SLC23A2: variants seen among roughly 807,000 people sequenced by gnomAD.
SLC23A2 encodes solute carrier family 23 member 2.
Under a neutral mutation model 73.3 loss-of-function variants are expected in SLC23A2, and 36 were observed. That is an observed-to-expected ratio of 0.49 (90% confidence interval 0.38 to 0.65). SLC23A2 has a LOEUF of 0.65. SLC23A2 is among the 30% of genes least tolerant of loss of function. SLC23A2 has a pLI of 0.00. For synonymous variants in SLC23A2, 343 were observed against 327.3 expected, an observed-to-expected ratio of 1.05 and a Z score of -0.52; for missense variants, 507 against 841.6, an observed-to-expected ratio of 0.60 and a Z score of 4.92.
intron 4 of SLC23A2, among the ~76,000 whole-genome samples, chr20:4,910,691 C>A (rs1932110616): frequency 6.6e-6 from 1 of 152,178 alleles, no homozygotes; most frequent in African/African-American, 2.4e-5. Context: ...CCATCTCGGC[C>A]TCCCAAAGTG....
At chr20:4,871,962 C>G (rs1930464615) in intron 11 of SLC23A2, among the ~76,000 whole-genome samples, 1 of 152,014 alleles carries the variant, frequency 6.6e-6, no homozygotes, top group Non-Finnish European at 1.5e-5. Context: ...TTATTTTGAT[C>G]CTTTTTCCTT....
At chr20:4,949,456 G>A (rs1016691563) in intron 2 of SLC23A2, among the ~76,000 whole-genome samples, 1 of 152,148 alleles carries the variant, frequency 6.6e-6, no homozygotes, top group Non-Finnish European at 1.5e-5. Context: ...ACTCGCTGCA[G>A]ATGAAGTTTT....
chr20:4,885,513 A>AT (rs1201069970), intron 7 of SLC23A2, among the ~76,000 whole-genome samples: 1 of 152,234 alleles, frequency 6.6e-6, no homozygotes, highest in Non-Finnish European at 1.5e-5. Flanking sequence ...AAATCCACTG[A>AT]AAGAGAGAGG....
At position 4,892,546 on chromosome 20, in the gene SLC23A2, A is replaced by G. The variant is rs574249291; in HGVS notation, c.483-6637T>C. Among the ~76,000 whole-genome samples, 19 of 152,254 alleles carry G rather than the reference A, an allele frequency of 1.2e-4. No individual in the cohort carries two copies. In the South Asian group the frequency reaches 1.5e-3, roughly 12 times the overall value. On this transcript the variant is annotated intron_variant, in intron 6 of 16. Coordinates refer to ENST00000338244, the MANE Select transcript of SLC23A2 (RefSeq NM_005116.6). The stretch of plus-strand genomic sequence containing the variant: ...TTTTTAGTTAAGTGGATGGTAACAA[A>G]TTTTTTTATTTGGGCACAAAACCCT...
intron 2 of SLC23A2, among the ~76,000 whole-genome samples, chr20:4,959,075 T>C (rs1230447937): frequency 6.6e-6 from 1 of 151,438 alleles, no homozygotes; most frequent in African/African-American, 2.4e-5. Context: ...AAAAATTAGC[T>C]GGGCATGGTA....
At chr20:4,889,142 G>C (rs1017235057) in intron 6 of SLC23A2, among the ~76,000 whole-genome samples, 4 of 152,166 alleles carry the variant, frequency 2.6e-5, no homozygotes, top group Admixed American at 2.6e-4. Flanking sequence ...CACATATAAG[G>C]GGCCGTGATG....
At chr20:4,944,820 CTCT>C (rs1313841703) in intron 2 of SLC23A2, among the ~76,000 whole-genome samples, 2 of 152,150 alleles carry the variant, frequency 1.3e-5, no homozygotes, top group African/African-American at 4.8e-5. Flanking sequence ...CAATCCATGG[CTCT>C]TTGCTTAAAT....
intron 3 of SLC23A2, among the ~76,000 whole-genome samples, chr20:4,931,599 G>A (rs1932791503): frequency 6.6e-6 from 1 of 151,936 alleles, no homozygotes; most frequent in Non-Finnish European, 1.5e-5. Flanking sequence ...TCTACAAAAA[G>A]TAGAAAAAAT....
intron 4 of SLC23A2, among the ~76,000 whole-genome samples, chr20:4,906,429 T>C (rs1931958306): frequency 6.6e-6 from 1 of 152,068 alleles, no homozygotes; most frequent in Non-Finnish European, 1.5e-5. Context: ...CTGGCCAACA[T>C]GGTGAAACCC....
intron 2 of SLC23A2, among the ~76,000 whole-genome samples, chr20:4,968,814 G>A (rs1356107878): frequency 2.0e-5 from 3 of 151,672 alleles, no homozygotes; most frequent in Non-Finnish European, 4.4e-5. Flanking sequence ...AGCCTCCTGA[G>A]GTCATGCAAT....
chr20:4,954,590 C>T (rs1045152053), intron 2 of SLC23A2, among the ~76,000 whole-genome samples: 27 of 149,114 alleles, frequency 1.8e-4, no homozygotes, highest in Admixed American at 1.8e-3. Context: ...CCCAGCTACT[C>T]GGTAAGCTGA....
At chr20:4,906,536 C>T (rs1226517036) in intron 4 of SLC23A2, among the ~76,000 whole-genome samples, 1 of 152,128 alleles carries the variant, frequency 6.6e-6, no homozygotes, top group Non-Finnish European at 1.5e-5. Context: ...AGGAGAATCG[C>T]TTCAACCCAG....
At chr20:5,009,559 T>G (rs1267629083) in intron 1 of SLC23A2, among the ~76,000 whole-genome samples, 1 of 152,236 alleles carries the variant, frequency 6.6e-6, no homozygotes, top group Non-Finnish European at 1.5e-5. Flanking sequence ...TAATTCTGTA[T>G]GCCAGCTCCT....
At chr20:4,989,697 A>C (rs2087894557) in intron 1 of SLC23A2, among the ~76,000 whole-genome samples, 1 of 151,906 alleles carries the variant, frequency 6.6e-6, no homozygotes, top group Non-Finnish European at 1.5e-5. Context: ...TTGCATATGA[A>C]ATAAAGTTTT....
At chr20:4,889,627 G>A (rs1931245237) in intron 6 of SLC23A2, among the ~76,000 whole-genome samples, 1 of 151,376 alleles carries the variant, frequency 6.6e-6, no homozygotes, top group Non-Finnish European at 1.5e-5. Flanking sequence ...ATCTCCGCCT[G>A]TGTCCAGCCT....
intron 1 of SLC23A2, among the ~76,000 whole-genome samples, chr20:4,987,797 G>A (rs751711270): frequency 5.3e-5 from 8 of 150,444 alleles, no homozygotes; most frequent in Non-Finnish European, 8.9e-5. Context: ...GCAGTGAGCC[G>A]ATCACGCCAC....
chr20:4,871,901 A>G (rs905354022), intron 11 of SLC23A2, among the ~76,000 whole-genome samples: 11 of 152,154 alleles, frequency 7.2e-5, no homozygotes, highest in Admixed American at 5.2e-4. Context: ...TGGTTTCAAG[A>G]ATTCTGGTTG....
At position 4,872,901 on chromosome 20, in the gene SLC23A2, C is replaced by T. The variant is rs894466089; in HGVS notation, c.1102+1035G>A. 3.9e-5 allele frequency among the ~76,000 whole-genome samples: 6 copies of T among 152,072 alleles called. No homozygotes were observed. In the East Asian group the frequency reaches 1.2e-3, roughly 29 times the overall value. On this transcript the variant is annotated intron_variant, in intron 11 of 16. Coordinates refer to ENST00000338244, the MANE Select transcript of SLC23A2 (RefSeq NM_005116.6). This position sits in a 1 kb window ranked among gnomAD's most constrained non-coding sequence, Gnocchi z 4.4. ...TCCCGAGTAGCTGGAATTACAGACA[C>T]CCGTCATCAGGCCTGGCTCATTTTT...
chr20:4,989,428 AC>A (rs1270880494), intron 1 of SLC23A2, among the ~76,000 whole-genome samples: 1 of 152,016 alleles, frequency 6.6e-6, no homozygotes, highest in Non-Finnish European at 1.5e-5. Context: ...TGAGAATGGG[AC>A]CGAAGTCTGA....
Sources: gnomAD v4.1 joint callset for allele counts (sites outside exome capture counted in the v4.1 genomes callset) on GRCh38, gnomAD v4.1.1 for gene constraint, Gnocchi (gnomAD v3.1) non-coding constraint, MANE v1.5 for transcripts, NCBI Gene and HGNC (gene_info 2026-07-23, HGNC 2026-07-21) for gene names.